The following ACSBG1 variants were observed in gnomAD, a reference collection of about 807,000 sequenced individuals.
The protein encoded by ACSBG1 is acyl-CoA synthetase bubblegum family member 1, also known as long-chain-fatty-acid--CoA ligase ACSBG1.
ACSBG1 carries 39 observed loss-of-function variants against 80.2 expected under a neutral mutation model. That is an observed-to-expected ratio of 0.49 (90% CI 0.38 to 0.64). The LOEUF (loss-of-function observed/expected upper bound fraction) is 0.64, where lower values mean the gene tolerates loss of function less well. ACSBG1 is among the 30% of genes least tolerant of loss of function. The pLI, the probability that ACSBG1 is intolerant of heterozygous loss-of-function variation, is 0.00. For synonymous variants in ACSBG1, 392 were observed against 379.5 expected, an observed-to-expected ratio of 1.03 and a Z score of -0.38; for missense variants, 828 against 966.4, an observed-to-expected ratio of 0.86 and a Z score of 1.90.
At position 78,233,846 on chromosome 15, in the gene ACSBG1, C is replaced by A. The variant is rs368176103; in HGVS notation, c.131+525G>T. Among the ~76,000 whole-genome samples the A allele has an allele frequency of 1.1e-4, 17 of 152,318 alleles. No individual in the cohort carries two copies. In the East Asian group the frequency reaches 1.5e-3, roughly 14 times the overall value. On this transcript the variant is annotated intron_variant, in intron 1 of 13. Coordinates refer to ENST00000258873, the MANE Select transcript of ACSBG1 (RefSeq NM_015162.5). ...TGGTGAATGCCTGATACGTTGAATC[C>A]ACTTCCTCTAAATCACAGATTACTG...
chr15:78,186,024 T>TA, intron 5 of ACSBG1, among the ~76,000 whole-genome samples: 1 of 152,348 alleles, frequency 6.6e-6, no homozygotes, highest in East Asian at 1.9e-4. Context: ...GAAAAGTTCT[T>TA]AGTCTCTTTG....
At chr15:78,218,759 G>A (rs775738679) in intron 1 of ACSBG1, among the ~76,000 whole-genome samples, 6 of 144,906 alleles carry the variant, frequency 4.1e-5, no homozygotes, top group Non-Finnish European at 3.0e-5. Context: ...GAGGCAATCT[G>A]ACTTCAGATT....
At chr15:78,207,917 T>TCCCCCCCACCCCCCCCCCCCCCCCCCCCC in intron 2 of ACSBG1, 85 bp downstream of exon 2, 3 of 876,066 alleles carry the variant, frequency 3.4e-6, no homozygotes, top group Non-Finnish European at 3.7e-6. Context: ...TGTGTGGTGG[T>TCCCCCCCACCCCCCCCCCCCCCCCCCCCC]CCCCCACACC....
At chr15:78,174,605 A>C (rs1595878385) in intron 11 of ACSBG1, 81 bp from the exon 12 acceptor site, 1 of 1,502,978 alleles carries the variant, frequency 6.7e-7, no homozygotes, top group Non-Finnish European at 9.0e-7. Context: ...CTCAACCACA[A>C]CCCGGAAGCC....
chr15:78,199,658 CTT>C (rs1221257567), intron 2 of ACSBG1, among the ~76,000 whole-genome samples: 8 of 138,252 alleles, frequency 5.8e-5, no homozygotes, highest in East Asian at 2.1e-4. Context: ...CCATTCCCAG[CTT>C]TTTTTTTTTT....
rs1159850898 is a variant in ACSBG1, at chr15:78,171,001, G to A, written c.*443C>T. 1 of 153,966 alleles carries A rather than the reference G, an allele frequency of 6.5e-6. No individual in the cohort carries two copies. Among genetic ancestry groups the A allele is most frequent in the East Asian group, 1.9e-4 (1 of 5,228 alleles). 9.5% of individuals were successfully genotyped at this position (153,966 alleles called of 1,614,324 possible). On this transcript the variant is annotated 3_prime_UTR_variant, in exon 14 of 14. Coordinates refer to ENST00000258873, the MANE Select transcript of ACSBG1 (RefSeq NM_015162.5). The stretch of plus-strand genomic sequence containing the variant: ...GTCGGCGATGCCCGCCAAGATTCCA[G>A]AGTAAGTCAGGTCGCTAGGTGAGTT...
intron 10 of ACSBG1, 49 bp downstream of exon 10, chr15:78,179,501 C>T (rs1278434301): frequency 1.3e-6 from 2 of 1,550,618 alleles, no homozygotes; most frequent in Admixed American, 3.4e-5. Flanking sequence ...GCACAAAGTA[C>T]CAGCAAGGGC....
At chr15:78,194,947 C>A (rs568826107) in intron 2 of ACSBG1, among the ~76,000 whole-genome samples, 7 of 152,240 alleles carry the variant, frequency 4.6e-5, no homozygotes, top group African/African-American at 1.7e-4. Context: ...TTTAGGGATG[C>A]AGCAAGGAAG....
In ACSBG1 at chr15:78,177,225, G is replaced by A. The variant is rs1020947198; in HGVS notation, c.1702+1389C>T. Among the ~76,000 whole-genome samples, 9 of 152,150 alleles carry A rather than the reference G, an allele frequency of 5.9e-5. No homozygotes were observed. The highest frequency in any genetic ancestry group is 1.4e-4 in the African/African-American group (6 of 41,440). On this transcript the variant is annotated intron_variant, in intron 11 of 13. Transcript: ENST00000258873. This position sits in a 1 kb window ranked among gnomAD's most constrained non-coding sequence, Gnocchi z 4.1. ...AAGACCAAGGCTGTAGGACTTAGCCGGATATCTATCCCTGTCATAAAGCTA... is the reference window on the plus strand; with the variant it reads ...AAGACCAAGGCTGTAGGACTTAGCCAGATATCTATCCCTGTCATAAAGCTA...
chr15:78,178,537 G>T lies in ACSBG1; in HGVS notation c.1702+77C>A. On this transcript the variant is annotated intron_variant, in intron 11 of 13. Coordinates refer to ENST00000258873, the MANE Select transcript of ACSBG1 (RefSeq NM_015162.5). The surrounding 1 kb of genome is among the most constrained non-coding windows in gnomAD (Gnocchi z 4.3). ...GGGTGGTCTTGAACTCCTGAGCTCAGACAATCTGCCCGCCTTGGCCTCCCA... is the reference window on the plus strand; with the variant it reads ...GGGTGGTCTTGAACTCCTGAGCTCATACAATCTGCCCGCCTTGGCCTCCCA... 6.7e-7 allele frequency: 1 copy of T among 1,489,406 alleles called. No individual in the cohort carries two copies. Among genetic ancestry groups the T allele is most frequent in the South Asian group, 1.3e-5 (1 of 76,460 alleles). The allele number at this position is 1,489,406 out of a possible 1,614,324, so 92.3% of individuals were successfully genotyped here. A position where few individuals can be genotyped will look rare whatever the true frequency, so the allele number is the denominator to read the frequency against.
At chr15:78,221,119 G>A (rs1381848192) in intron 1 of ACSBG1, among the ~76,000 whole-genome samples, 1 of 152,234 alleles carries the variant, frequency 6.6e-6, no homozygotes, top group African/African-American at 2.4e-5. Context: ...ACTGAGAAAA[G>A]AAATAAGACA....
intron 1 of ACSBG1, among the ~76,000 whole-genome samples, chr15:78,233,706 G>GTGCGCC (rs1282111082): frequency 6.6e-5 from 10 of 152,184 alleles, no homozygotes; most frequent in Non-Finnish European, 1.3e-4. Context: ...GCGTGTGCGC[G>GTGCGCC]TGCGCCTGCC....
intron 12 of ACSBG1, 48 bp from the exon 13 acceptor site, chr15:78,173,887 G>A (rs766243042): frequency 3.0e-5 from 47 of 1,585,664 alleles, no homozygotes; most frequent in Middle Eastern, 1.7e-4. Context: ...CCAACAAGAC[G>A]TAAGCCCTGG....
chr15:78,179,512 G>T (rs781224514), intron 10 of ACSBG1, 38 bp downstream of exon 10: 2 of 1,570,786 alleles, frequency 1.3e-6, no homozygotes, highest in East Asian at 4.5e-5. Context: ...CAGCAAGGGC[G>T]CATGGGTGTG....
In ACSBG1 at chr15:78,234,402, C is replaced by T. The variant is rs749516701; in HGVS notation, c.100G>A (p.Val34Met). The change falls in exon 1 of 14, where the codon GTG becomes ATG. Residue 34 changes from valine to methionine, a missense_variant. By Grantham distance (21) the Val-to-Met change is conservative (BLOSUM62 1). Around this residue, in one of 3 missense-constraint regions of ACSBG1, gnomAD observed 356 missense variants for 363.5 expected, o/e 0.98. Coordinates refer to ENST00000258873, the MANE Select transcript of ACSBG1 (RefSeq NM_015162.5). ...TPQESRQDMI[V>M]RTTQEKLKTS... ...TTCAATTTTTCTTGGGTGGTCCTCACAATCATGTCCTGCCGGCTCTCCTGT... is the reference window on the plus strand; with the variant it reads ...TTCAATTTTTCTTGGGTGGTCCTCATAATCATGTCCTGCCGGCTCTCCTGT... 2 of 1,612,758 alleles carry T rather than the reference C, an allele frequency of 1.2e-6. No homozygotes were observed. The highest frequency in any genetic ancestry group is 1.3e-5 in the African/African-American group (1 of 75,056).
At position 78,171,205 on chromosome 15, in the gene ACSBG1, A is replaced by T; in HGVS notation, c.*239T>A. The T allele has an allele frequency of 1.1e-5, 4 of 369,170 alleles. No individual in the cohort carries two copies. The highest frequency in any genetic ancestry group is 4.2e-5 in the Admixed American group (1 of 24,022). The allele number at this position is 369,170 out of a possible 1,614,324, so 22.9% of individuals were successfully genotyped here. A position where few individuals can be genotyped will look rare whatever the true frequency, so the allele number is the denominator to read the frequency against. On this transcript the variant is annotated 3_prime_UTR_variant, in exon 14 of 14. Transcript: ENST00000258873. The stretch of plus-strand genomic sequence containing the variant: ...GGAAGGAGAGCTGATCTCATTTGTC[A>T]CCTGAACAAAAAGCAATACTTAAAC...
intron 1 of ACSBG1, among the ~76,000 whole-genome samples, chr15:78,219,209 CCT>C (rs2075339243): frequency 6.6e-6 from 1 of 152,102 alleles, no homozygotes; most frequent in African/African-American, 2.4e-5. Flanking sequence ...CACAGGATTT[CCT>C]AGGAAGCAAT....
At chr15:78,190,968 C>T (rs1254373803) in intron 5 of ACSBG1, among the ~76,000 whole-genome samples, 1 of 152,176 alleles carries the variant, frequency 6.6e-6, no homozygotes, top group Non-Finnish European at 1.5e-5. Flanking sequence ...ATACAAATTT[C>T]ATCAGATTGG....
At chr15:78,214,974 G>A (rs11629576) in intron 1 of ACSBG1, among the ~76,000 whole-genome samples, 81,503 of 151,974 alleles carry the variant, frequency 0.54, 22,531 homozygotes, top group African/African-American at 0.61. Context: ...AGTTTGACTC[G>A]AATACTGGTC....
Sources: allele counts gnomAD v4.1 joint callset (sites outside exome capture counted in the v4.1 genomes callset), GRCh38; gene constraint gnomAD v4.1.1; regional missense constraint gnomAD v4.1.1; non-coding constraint Gnocchi (gnomAD v3.1); transcripts MANE v1.5; gene names NCBI Gene and HGNC (gene_info 2026-07-23, HGNC 2026-07-21).